Variants in BRD1 observed in about 807,000 individuals in gnomAD.
BRD1 encodes bromodomain-containing protein 1.
In BRD1, 24 loss-of-function variants were observed where a neutral mutation model predicts 107.7. The ratio of observed to expected loss-of-function variants is 0.22; its 90% CI spans 0.16 to 0.31. The LOEUF is 0.31. Among genes scored for constraint, BRD1 ranks in the 10% least tolerant of loss-of-function variants. The pLI is 1.00. For missense variants in BRD1, 1,279 were observed against 1,638.6 expected, an observed-to-expected ratio of 0.78 and a Z score of 3.79; for synonymous variants, 744 against 686.1, an observed-to-expected ratio of 1.08 and a Z score of -1.32.
At chr22:49,782,611 C>T (rs1413949368) in intron 8 of BRD1, among the ~76,000 whole-genome samples, 1 of 146,828 alleles carries the variant, frequency 6.8e-6, no homozygotes, top group East Asian at 2.1e-4. Flanking sequence ...AGAGACAGAA[C>T]CAAGGCCCAG....
chr22:49,798,438 AAAACGAG>A (rs1391361700), intron 5 of BRD1, 113 bp downstream of exon 5: 18 of 1,497,606 alleles, frequency 1.2e-5, no homozygotes, highest in Non-Finnish European at 1.8e-6. Flanking sequence ...ACGTTAAATA[AAAACGAG>A]AATTAAGAAC....
chr22:49,787,492 G>A lies in BRD1; in HGVS notation c.2755C>T (p.Leu919Phe). The change falls in exon 8 of 13, where the codon CTT becomes TTT. Residue 919 changes from leucine (L) to phenylalanine (F), a missense_variant. Transcript: ENST00000404760. ...TGCAGAAGAGTCTCCAACCTCGGAA[G>A]GACTACAGACAAAAAGGTTTTGGTC... is the stretch of plus-strand genomic sequence containing the variant. ...LGTKTFLSVV[L>F]PRLETLLQPR... 1 of 1,614,230 alleles carries A rather than the reference G, an allele frequency of 6.2e-7. No homozygotes were observed. Among genetic ancestry groups the A allele is most frequent in the Non-Finnish European group, 8.5e-7 (1 of 1,180,034 alleles).
At chr22:49,818,883 C>T (rs1438836687) in intron 2 of BRD1, among the ~76,000 whole-genome samples, 1 of 150,786 alleles carries the variant, frequency 6.6e-6, no homozygotes, top group African/African-American at 2.4e-5. Flanking sequence ...AAGACTCCGT[C>T]TCAAAAAAAA....
At chr22:49,788,223 G>A (rs1452462603) in intron 7 of BRD1, among the ~76,000 whole-genome samples, 1 of 152,208 alleles carries the variant, frequency 6.6e-6, no homozygotes. Flanking sequence ...CCTTGAGGAA[G>A]AAAAGGTATC....
rs1330124234 is a variant in BRD1, at chr22:49,823,542, C to A, written c.776G>T (p.Arg259Leu). 1 of 1,600,490 alleles carries A rather than the reference C, an allele frequency of 6.2e-7. No homozygotes were observed. The highest frequency in any genetic ancestry group is 1.1e-5 in the South Asian group (1 of 90,680). Reference protein sequence around the residue: ...PYIPEGQWLCRHCLQSRARPA... With the variant: ...PYIPEGQWLCLHCLQSRARPA... ...CCGGGCCCGCGACTGCAGGCAGTGGCGGCAGAGCCACTGGCCCTCGGGGAT... is the reference window on the plus strand; with the variant it reads ...CCGGGCCCGCGACTGCAGGCAGTGGAGGCAGAGCCACTGGCCCTCGGGGAT... Residue 259 changes from arginine to leucine, a missense_variant, in exon 2 of 13, where the codon CGC (arginine) becomes CTC (leucine). Around this residue, in one of 7 missense-constraint regions of BRD1, gnomAD observed 158 missense variants for 310.2 expected, o/e 0.51. Coordinates refer to ENST00000404760, the MANE Select transcript of BRD1 (RefSeq NM_001304808.3).
chr22:49,812,102 TCC>T lies in BRD1; in HGVS notation c.1368-7744_1368-7743del, dbSNP rs370960567. On this transcript the variant is annotated intron_variant, in intron 2 of 12. Transcript: ENST00000404760. ...TCCTATGGCAAGGAGCACAGTCTGC[TCC>T]TTTTTTTTTTTTTTTTTTTGAGACA... Among the ~76,000 whole-genome samples the T allele has an allele frequency of 1.7e-3, 225 of 130,406 alleles. 7 individuals are homozygous for T. Among genetic ancestry groups the T allele is most frequent in the African/African-American group, 7.5e-3 (198 of 26,366 alleles). 85.6% of individuals were successfully genotyped at this position (130,406 alleles called of 152,430 possible). A position where few individuals can be genotyped will look rare whatever the true frequency, so the allele number is the denominator to read the frequency against.
In BRD1 at chr22:49,777,788, C is replaced by A; in HGVS notation, c.2883G>T (p.Ala961=). The change falls in exon 9 of 13, where the codon GCG becomes GCT. Residue 961 remains alanine, a synonymous_variant. Coordinates refer to ENST00000404760, the MANE Select transcript of BRD1 (RefSeq NM_001304808.3). ...CGCCGCCCGGCTCCTGCTCGCTCCT[C>A]GCACCCCCAAAGCCGTTGGTGAGAC... The part of the protein sequence containing the change: ...DAGLTNGFGG[A]RSEQEPGGGL... 1 of 1,603,620 alleles carries A rather than the reference C, an allele frequency of 6.2e-7. No homozygotes were observed. The highest frequency in any genetic ancestry group is 2.2e-5 in the East Asian group (1 of 44,712).
chr22:49,798,839 TGGCAGCCA>T, intron 4 of BRD1, 141 bp downstream of exon 4: 1 of 1,433,372 alleles, frequency 7.0e-7, no homozygotes. Flanking sequence ...CTGCAACCCA[TGGCAGCCA>T]GGCACCCAGC....
At chr22:49,819,685 G>A (rs928833130) in intron 2 of BRD1, among the ~76,000 whole-genome samples, 2 of 151,344 alleles carry the variant, frequency 1.3e-5, no homozygotes, top group South Asian at 2.1e-4. Flanking sequence ...TCCTGACCTC[G>A]TGATCTACCC....
chr22:49,823,859 C>G lies in BRD1; in HGVS notation c.459G>C (p.Glu153Asp). ...IEKSAEELDN[E>D]VEYDMDEEDY... ...CCTCCTCGTCCATGTCATACTCCAC[C>G]TCGTTGTCCAGTTCCTCGGCCGACT... Residue 153 changes from glutamate to aspartate, a missense_variant, in exon 2 of 13, where the codon GAG (glutamate) becomes GAC (aspartate). Physicochemically the swap from Glu to Asp is conservative, Grantham distance 45 (BLOSUM62 2). Coordinates refer to ENST00000404760, the MANE Select transcript of BRD1 (RefSeq NM_001304808.3). The G allele has an allele frequency of 6.2e-7, 1 of 1,614,224 alleles. No individual in the cohort carries two copies. Among genetic ancestry groups the G allele is most frequent in the South Asian group, 1.1e-5 (1 of 91,088 alleles).
intron 8 of BRD1, among the ~76,000 whole-genome samples, chr22:49,780,569 A>T (rs952499765): frequency 6.6e-6 from 1 of 152,114 alleles, no homozygotes; most frequent in East Asian, 1.9e-4. Context: ...ACCAGGACAC[A>T]GACACATCCC....
Position 49,804,350 on chromosome 22 carries a change from T to A in BRD1, c.1378A>T (p.Ile460Phe), listed in dbSNP as rs1293396826. 1.2e-6 allele frequency: 2 copies of A among 1,606,516 alleles called. No homozygotes were observed. ...CGCTGAATGGCCACCTGATTCGCAA[T>A]CCTATTTAACCTAAAACACAAACAC... ...PYIPPQRLNR[I>F]ANQVAIQRKK... is the part of the protein sequence containing the mutation. Residue 460 changes from isoleucine (I) to phenylalanine (F), a missense_variant, in exon 3 of 13, where the codon ATT (isoleucine) becomes TTT (phenylalanine). Ile to Phe is a conservative substitution (Grantham distance 21, BLOSUM62 0). Transcript: ENST00000404760.
At chr22:49,780,758 A>G (rs2059191430) in intron 8 of BRD1, among the ~76,000 whole-genome samples, 1 of 152,210 alleles carries the variant, frequency 6.6e-6, no homozygotes, top group South Asian at 2.1e-4. Flanking sequence ...AGGCTCTTCC[A>G]GCCAGCTGGG....
chr22:49,800,756 G>A (rs1348810131), intron 3 of BRD1, among the ~76,000 whole-genome samples: 2 of 152,162 alleles, frequency 1.3e-5, no homozygotes, highest in Non-Finnish European at 2.9e-5. Context: ...TCAAGGGCTC[G>A]ATATTTCCCA....
intron 8 of BRD1, among the ~76,000 whole-genome samples, chr22:49,778,296 G>C (rs1461762135): frequency 6.6e-6 from 1 of 152,188 alleles, no homozygotes; most frequent in Non-Finnish European, 1.5e-5. Flanking sequence ...AGGAAATCAG[G>C]TTTTAAAAAG....
rs140730234 is a variant in BRD1 at position 49,823,110 on chromosome 22, T to C, written c.1208A>G (p.Asp403Gly). The C allele has an allele frequency of 3.0e-3, 4,874 of 1,614,166 alleles. 18 individuals carry two copies. Among genetic ancestry groups the C allele is most frequent in the Non-Finnish European group, 3.2e-3 (3,736 of 1,180,036 alleles). The change falls in exon 2 of 13, where the codon GAT becomes GGT. Residue 403 changes from aspartate to glycine, a missense_variant. Physicochemically the swap from Asp to Gly is moderately conservative, Grantham distance 94. This residue lies in a region of BRD1 where 158 missense variants were observed against 310.2 expected (regional missense o/e 0.51). Transcript: ENST00000404760. ...ACAGACGCCATTTTTCATTTCGACA[T>C]CCCCGTAAATATTCAGAGGCCTCCG... ...CTRRPLNIYG[D>G]VEMKNGVCRK...
chr22:49,777,571 A>C, intron 9 of BRD1, 107 bp downstream of exon 9: 1 of 1,470,284 alleles, frequency 6.8e-7, no homozygotes, highest in Non-Finnish European at 9.1e-7. Context: ...AGAATTTTTC[A>C]GAGAACACTA....
chr22:49,815,453 G>A (rs934785332), intron 2 of BRD1, among the ~76,000 whole-genome samples: 6 of 151,878 alleles, frequency 4.0e-5, no homozygotes, highest in Non-Finnish European at 8.8e-5. Flanking sequence ...TGAGGCAGGA[G>A]AATCGCTTGA....
Position 49,799,136 on chromosome 22 carries a change from C to T in BRD1, c.1525-17G>A. On this transcript the variant is annotated splice_polypyrimidine_tract_variant and intron_variant, in intron 3 of 12. Coordinates refer to ENST00000404760, the MANE Select transcript of BRD1 (RefSeq NM_001304808.3). ...ATTTTCTCTCTGAGAACAGTGAACA[C>T]TTCCGTCAGTCAAACCCAGAGGCTC... 6.3e-7 allele frequency: 1 copy of T among 1,599,978 alleles called. No individual in the cohort carries two copies. The highest frequency in any genetic ancestry group is 8.5e-7 in the Non-Finnish European group (1 of 1,176,858).
Sources: gnomAD v4.1 joint callset for allele counts (sites outside exome capture counted in the v4.1 genomes callset) on GRCh38, gnomAD v4.1.1 for gene constraint, gnomAD v4.1.1 regional missense constraint, MANE v1.5 for transcripts, NCBI Gene and HGNC (gene_info 2026-07-23, HGNC 2026-07-21) for gene names.